The following ALCAM variants were observed in gnomAD, a reference collection of about 807,000 sequenced individuals.
ALCAM encodes activated leukocyte cell adhesion molecule.
A neutral mutation model predicts 70.9 loss-of-function variants in ALCAM; 30 were observed. The observed-to-expected ratio is 0.42, with a 90% CI of 0.32 to 0.57. ALCAM has a LOEUF of 0.57. Ranked by LOEUF, ALCAM falls within the 20% of genes least tolerant of loss-of-function variation. ALCAM has a pLI of 0.11. For synonymous variants in ALCAM, 249 were observed against 242.5 expected, an observed-to-expected ratio of 1.03 and a Z score of -0.25; for missense variants, 591 against 695.1, an observed-to-expected ratio of 0.85 and a Z score of 1.68.
chr3:105,425,970 T>A (rs1006923464), intron 1 of ALCAM, among the ~76,000 whole-genome samples: 7 of 151,802 alleles, frequency 4.6e-5, no homozygotes, highest in Non-Finnish European at 8.8e-5. Context: ...ATATTCTTAG[T>A]TTTCATGGGA....
intron 1 of ALCAM, among the ~76,000 whole-genome samples, chr3:105,509,822 C>T (rs1020600094): frequency 6.6e-6 from 1 of 151,962 alleles, no homozygotes; most frequent in African/African-American, 2.4e-5. Context: ...AGAGCTTTTC[C>T]CCTATGCATT....
chr3:105,408,201 GA>G (rs34040803), intron 1 of ALCAM, among the ~76,000 whole-genome samples: 103,654 of 150,102 alleles, frequency 0.69, 35,896 homozygotes, highest in East Asian at 0.92. Context: ...CACAGAACTA[GA>G]AAAAAAAAAC....
intron 1 of ALCAM, among the ~76,000 whole-genome samples, chr3:105,459,519 C>A (rs1937575727): frequency 6.6e-6 from 1 of 151,868 alleles, no homozygotes; most frequent in African/African-American, 2.4e-5. Flanking sequence ...TTTCGGTGGG[C>A]AATAAATTGA....
rs1177681811 is a variant in ALCAM, at chr3:105,518,468, A to G, written c.74-1599A>G. ...CATTTAGGAGCCAAATATCACAGAG[A>G]ACAAGTAATGTCATGTGCAATAAAG... On this transcript the variant is annotated intron_variant, in intron 1 of 15. Coordinates refer to ENST00000306107, the MANE Select transcript of ALCAM (RefSeq NM_001627.4). Among the ~76,000 whole-genome samples the G allele has an allele frequency of 2.6e-5, 4 of 152,250 alleles. No homozygotes were observed. The East Asian group carries it at 7.7e-4, about 29-fold the overall frequency.
rs755970266 is a variant in ALCAM, at chr3:105,516,965, AT to A, written c.74-3097del. ...AGGGAATTCTAGTAAGCTAAACTCAATTTTTAGACTTGGCAATTCAAAGATA... is the reference window on the plus strand; with the variant it reads ...AGGGAATTCTAGTAAGCTAAACTCAATTTTAGACTTGGCAATTCAAAGATA... On this transcript the variant is annotated intron_variant, in intron 1 of 15. Transcript: ENST00000306107. Among the ~76,000 whole-genome samples the A allele has an allele frequency of 8.5e-4, 130 of 152,196 alleles. 2 individuals carry two copies. The Middle Eastern group carries it at 0.02, about 24-fold the overall frequency.
chr3:105,466,737 A>G (rs767657973), intron 1 of ALCAM, among the ~76,000 whole-genome samples: 2 of 151,406 alleles, frequency 1.3e-5, no homozygotes, highest in African/African-American at 2.4e-5. Context: ...AATTGATTCT[A>G]TCTATATCCA....
chr3:105,531,896 T>G, intron 3 of ALCAM, 106 bp from the exon 4 acceptor site: 1 of 905,898 alleles, frequency 1.1e-6, no homozygotes, highest in East Asian at 2.4e-5. Flanking sequence ...ATTCTGTTGC[T>G]TATTCTTCTG....
intron 15 of ALCAM, among the ~76,000 whole-genome samples, chr3:105,572,374 G>A (rs1418497614): frequency 3.9e-5 from 6 of 152,094 alleles, no homozygotes; most frequent in African/African-American, 1.4e-4. Context: ...GAGAATGATG[G>A]TTTCCAGCTT....
chr3:105,389,533 T>G (rs185564603), intron 1 of ALCAM, among the ~76,000 whole-genome samples: 21 of 151,518 alleles, frequency 1.4e-4, no homozygotes, highest in African/African-American at 4.8e-4. Flanking sequence ...TGTACATTAT[T>G]TTAAAATAAA....
intron 1 of ALCAM, among the ~76,000 whole-genome samples, chr3:105,422,429 T>C (rs771668197): frequency 3.3e-5 from 5 of 151,572 alleles, no homozygotes; most frequent in Non-Finnish European, 7.4e-5. Flanking sequence ...CTCCTGGATT[T>C]TTATCTGAAC....
intron 1 of ALCAM, among the ~76,000 whole-genome samples, chr3:105,510,172 A>G (rs776794389): frequency 6.6e-6 from 1 of 152,058 alleles, no homozygotes; most frequent in East Asian, 1.9e-4. Context: ...GAGAATAAGC[A>G]TACCGCAGAG....
At chr3:105,490,028 A>G (rs1262857193) in intron 1 of ALCAM, among the ~76,000 whole-genome samples, 1 of 152,184 alleles carries the variant, frequency 6.6e-6, no homozygotes, top group Non-Finnish European at 1.5e-5. Flanking sequence ...ATCTGATTCC[A>G]ATGTACATTT....
chr3:105,404,129 G>A (rs1488225831), intron 1 of ALCAM, among the ~76,000 whole-genome samples: 3 of 151,914 alleles, frequency 2.0e-5, no homozygotes, highest in South Asian at 2.1e-4. Context: ...GTGATCCTGA[G>A]GAAGAAGAGA....
At chr3:105,391,855 C>T (rs1935826117) in intron 1 of ALCAM, among the ~76,000 whole-genome samples, 1 of 151,906 alleles carries the variant, frequency 6.6e-6, no homozygotes, top group African/African-American at 2.4e-5. Flanking sequence ...TCCTTTAGTT[C>T]TGTTTATGTG....
intron 1 of ALCAM, among the ~76,000 whole-genome samples, chr3:105,409,996 T>C (rs1249350624): frequency 1.3e-5 from 2 of 152,100 alleles, no homozygotes; most frequent in Non-Finnish European, 2.9e-5. Flanking sequence ...GACACATTAT[T>C]ATCACCCATG....
intron 1 of ALCAM, among the ~76,000 whole-genome samples, chr3:105,473,625 C>A (rs80224129): frequency 1.3e-5 from 2 of 151,470 alleles, no homozygotes; most frequent in Admixed American, 6.6e-5. Flanking sequence ...TGACCATAAA[C>A]CTCAGATTAA....
intron 1 of ALCAM, among the ~76,000 whole-genome samples, chr3:105,431,641 A>C (rs929055754): frequency 1.3e-5 from 2 of 152,104 alleles, no homozygotes; most frequent in Non-Finnish European, 2.9e-5. Flanking sequence ...TAGTGTCTAC[A>C]GGAAAGGGTA....
At chr3:105,379,077 C>G (rs1282389595) in intron 1 of ALCAM, among the ~76,000 whole-genome samples, 2 of 151,922 alleles carry the variant, frequency 1.3e-5, no homozygotes, top group East Asian at 3.9e-4. Flanking sequence ...AGTTTGCTTT[C>G]TAGCTTTTGT....
At chr3:105,425,242 T>C (rs1293961773) in intron 1 of ALCAM, among the ~76,000 whole-genome samples, 1 of 151,826 alleles carries the variant, frequency 6.6e-6, no homozygotes, top group African/African-American at 2.4e-5. Context: ...AATTATTTTA[T>C]TTACTTGAGG....
Sources: gnomAD v4.1 joint callset for allele counts (sites outside exome capture counted in the v4.1 genomes callset) on GRCh38, gnomAD v4.1.1 for gene constraint, MANE v1.5 for transcripts, NCBI Gene and HGNC (gene_info 2026-07-23, HGNC 2026-07-21) for gene names.